Variants in TAFA1 observed in about 807,000 individuals in gnomAD.
TAFA1 encodes the protein chemokine-like protein TAFA-1.
In TAFA1, 4 loss-of-function variants were observed where a neutral mutation model predicts 18.5. The ratio of observed to expected loss-of-function variants is 0.22; its 90% confidence interval spans 0.11 to 0.49. TAFA1 has a LOEUF of 0.49. TAFA1 is among the 20% of genes least tolerant of loss of function. TAFA1 has a pLI of 0.98. For synonymous variants in TAFA1, 56 were observed against 55.2 expected (o/e 1.01, Z -0.06); for missense variants, 147 against 169.0 (o/e 0.87, Z 0.72).
chr3:68,130,442 A>G (rs2065522580), intron 2 of TAFA1, among the ~76,000 whole-genome samples: 1 of 152,118 alleles, frequency 6.6e-6, no homozygotes, highest in African/African-American at 2.4e-5. Flanking sequence ...CAAACCTCCC[A>G]GGCTTCCACA....
At chr3:68,077,950 T>A (rs1270106021) in intron 2 of TAFA1, among the ~76,000 whole-genome samples, 1 of 152,188 alleles carries the variant, frequency 6.6e-6, no homozygotes, top group African/African-American at 2.4e-5. Flanking sequence ...GAGCATGGAA[T>A]CTTCTTCCAT....
intron 2 of TAFA1, among the ~76,000 whole-genome samples, chr3:68,249,595 T>G (rs1271028439): frequency 6.6e-6 from 1 of 151,928 alleles, no homozygotes; most frequent in Admixed American, 6.6e-5. Flanking sequence ...CAAAAAAAAC[T>G]TGGGTACCCT....
At chr3:68,225,414 G>C (rs757086726) in intron 2 of TAFA1, among the ~76,000 whole-genome samples, 3 of 152,120 alleles carry the variant, frequency 2.0e-5, no homozygotes, top group Admixed American at 6.5e-5. Context: ...AATCCATAGA[G>C]AGCAACAGTC....
intron 2 of TAFA1, among the ~76,000 whole-genome samples, chr3:68,170,863 AACAC>A (rs71112619): frequency 6.8e-5 from 10 of 146,152 alleles, no homozygotes; most frequent in South Asian, 4.3e-4. Context: ...CACACACAGA[AACAC>A]ACACACACAC....
chr3:68,206,226 T>C (rs2066524567), intron 2 of TAFA1, among the ~76,000 whole-genome samples: 1 of 151,856 alleles, frequency 6.6e-6, no homozygotes. Context: ...GATGGAATGA[T>C]GGCCGATTTG....
chr3:68,331,473 T>G (rs1439143069), intron 2 of TAFA1, among the ~76,000 whole-genome samples: 2 of 152,200 alleles, frequency 1.3e-5, no homozygotes, highest in African/African-American at 2.4e-5. Context: ...TGAAAAATAT[T>G]TAATAAATGA....
intron 2 of TAFA1, among the ~76,000 whole-genome samples, chr3:68,149,215 A>G (rs1208242540): frequency 6.6e-6 from 1 of 152,180 alleles, no homozygotes; most frequent in Non-Finnish European, 1.5e-5. Flanking sequence ...GGGGTGAGCC[A>G]TTACACTAGT....
intron 2 of TAFA1, among the ~76,000 whole-genome samples, chr3:68,170,789 A>G (rs1359984297): frequency 6.6e-6 from 1 of 152,104 alleles, no homozygotes; most frequent in Non-Finnish European, 1.5e-5. Context: ...AATTTGTTCA[A>G]TCACTGCCTG....
At chr3:68,408,494 A>G (rs1054433830) in intron 2 of TAFA1, among the ~76,000 whole-genome samples, 8 of 152,204 alleles carry the variant, frequency 5.3e-5, no homozygotes, top group Non-Finnish European at 1.0e-4. Context: ...ACATATCCAC[A>G]TAATGGATAT....
chr3:68,021,574 G>T (rs535946156), intron 2 of TAFA1, among the ~76,000 whole-genome samples: 119 of 152,230 alleles, frequency 7.8e-4, no homozygotes, highest in Admixed American at 3.3e-3. Flanking sequence ...TATCATATGT[G>T]TGTTTCATCT....
chr3:68,383,183 CTGTT>C (rs1481916110), intron 2 of TAFA1, among the ~76,000 whole-genome samples: 26 of 151,904 alleles, frequency 1.7e-4, no homozygotes, highest in Non-Finnish European at 1.5e-5. Flanking sequence ...TTATTTCTTT[CTGTT>C]GTCTGATTTC....
At chr3:68,202,374 T>C (rs2066478486) in intron 2 of TAFA1, among the ~76,000 whole-genome samples, 1 of 151,770 alleles carries the variant, frequency 6.6e-6, no homozygotes, top group African/African-American at 2.4e-5. Flanking sequence ...TGGTATACTT[T>C]CATTAATATG....
At chr3:68,348,432 C>T (rs1199473363) in intron 2 of TAFA1, among the ~76,000 whole-genome samples, 1 of 152,032 alleles carries the variant, frequency 6.6e-6, no homozygotes, top group African/African-American at 2.4e-5. Context: ...ATATATTTGG[C>T]CACTTAAATA....
intron 3 of TAFA1, among the ~76,000 whole-genome samples, chr3:68,462,328 G>T (rs939042444): frequency 8.6e-5 from 13 of 152,000 alleles, no homozygotes; most frequent in Non-Finnish European, 1.3e-4. Flanking sequence ...GAATCATGGG[G>T]GCAAGTCTTC....
rs1401802326 is a variant in TAFA1 at position 68,231,376 on chromosome 3, C to T, written c.119-185904C>T. ...TTTTTTTTTTTTTTTTTTTTTGAGA[C>T]GGAGTCTCGCTCTGTCGCCCAGGCC... On this transcript the variant is annotated intron_variant, in intron 2 of 4. Coordinates refer to ENST00000478136, the MANE Select transcript of TAFA1 (RefSeq NM_213609.4). Among the ~76,000 whole-genome samples, 10 of 83,378 alleles carry T rather than the reference C, an allele frequency of 1.2e-4. No individual in the cohort carries two copies. In the East Asian group the frequency reaches 1.4e-3, roughly 12 times the overall value. 54.7% of individuals were successfully genotyped at this position (83,378 alleles called of 152,430 possible).
chr3:68,364,367 G>T (rs1325660258), intron 2 of TAFA1, among the ~76,000 whole-genome samples: 1 of 152,094 alleles, frequency 6.6e-6, no homozygotes, highest in Non-Finnish European at 1.5e-5. Context: ...ACGATTAATG[G>T]CAGTTATTAT....
intron 2 of TAFA1, among the ~76,000 whole-genome samples, chr3:68,056,539 T>C (rs778746778): frequency 6.6e-6 from 1 of 152,120 alleles, no homozygotes; most frequent in Non-Finnish European, 1.5e-5. Context: ...TTTAATATGA[T>C]ACAGTGAAGA....
At chr3:68,321,942 A>G (rs994078340) in intron 2 of TAFA1, among the ~76,000 whole-genome samples, 4 of 152,228 alleles carry the variant, frequency 2.6e-5, no homozygotes, top group African/African-American at 9.6e-5. Flanking sequence ...TTCCACCTTA[A>G]AAGAAGTTCC....
In TAFA1 at chr3:68,528,590, A is replaced by G. The variant is rs114498501; in HGVS notation, c.260-10166A>G. ...TAACAGCTGTTCCAACAACCAGTGC[A>G]AAAAGGGAGGCTGGAGATCTGTCCC... is the stretch of plus-strand genomic sequence containing the variant. On this transcript the variant is annotated intron_variant, in intron 3 of 4. Coordinates refer to ENST00000478136, the MANE Select transcript of TAFA1 (RefSeq NM_213609.4). Among the ~76,000 whole-genome samples, 382 of 152,320 alleles carry G rather than the reference A, an allele frequency of 2.5e-3. 1 individual carries two copies. The highest frequency in any genetic ancestry group is 8.6e-3 in the African/African-American group (359 of 41,582).
Sources: gnomAD v4.1 joint callset for allele counts (sites outside exome capture counted in the v4.1 genomes callset) on GRCh38, gnomAD v4.1.1 for gene constraint, MANE v1.5 for transcripts, NCBI Gene and HGNC (gene_info 2026-07-23, HGNC 2026-07-21) for gene names.